E2F3: variants seen among roughly 807,000 people sequenced by gnomAD.
The protein encoded by E2F3 is transcription factor E2F3.
Under a neutral mutation model 44.4 loss-of-function variants are expected in E2F3, and 11 were observed. The ratio of observed to expected loss-of-function variants is 0.25; its 90% CI spans 0.16 to 0.41. The LOEUF is 0.41. E2F3 is among the 10% of genes least tolerant of loss of function. The pLI is 1.00. For missense variants in E2F3, 487 were observed against 583.6 expected, an observed-to-expected ratio of 0.83 and a Z score of 1.70; for synonymous variants, 249 against 253.0, an observed-to-expected ratio of 0.98 and a Z score of 0.15.
chr6:20,442,578 T>C (rs555436080), intron 1 of E2F3, among the ~76,000 whole-genome samples: 2 of 152,366 alleles, frequency 1.3e-5, no homozygotes, highest in East Asian at 1.9e-4. Context: ...CAATTTGATA[T>C]GTTGTGTGTA....
At chr6:20,460,619 T>C (rs1374524294) in intron 1 of E2F3, among the ~76,000 whole-genome samples, 1 of 152,210 alleles carries the variant, frequency 6.6e-6, no homozygotes, top group African/African-American at 2.4e-5. Context: ...TAAACATCCT[T>C]ATACATGCCT....
In E2F3 at chr6:20,472,025, AACACACACACACACAC is replaced by A. The variant is rs57925127; in HGVS notation, c.394-7792_394-7777del. Among the ~76,000 whole-genome samples the A allele has an allele frequency of 1.7e-3, 233 of 138,444 alleles. 3 individuals are homozygous for A. Among genetic ancestry groups the A allele is most frequent in the African/African-American group, 2.3e-3 (83 of 36,814 alleles). 90.8% of individuals were successfully genotyped at this position (138,444 alleles called of 152,430 possible). A position where few individuals can be genotyped will look rare whatever the true frequency, so the allele number is the denominator to read the frequency against. ...TTAAACTCCAGCCTGCCCCCCCTCC[AACACACACACACACAC>A]ACACACACACACACACACACACACA... is the stretch of plus-strand genomic sequence containing the variant. On this transcript the variant is annotated intron_variant, in intron 1 of 6. Coordinates refer to ENST00000346618, the MANE Select transcript of E2F3 (RefSeq NM_001949.5).
intron 1 of E2F3, among the ~76,000 whole-genome samples, chr6:20,403,080 C>A (rs892187857): frequency 6.6e-6 from 1 of 152,050 alleles, no homozygotes; most frequent in East Asian, 1.9e-4. Flanking sequence ...TGCTAGCCCC[C>A]AGTCGGCCTT....
At chr6:20,460,214 A>G (rs1440694199) in intron 1 of E2F3, among the ~76,000 whole-genome samples, 1 of 152,122 alleles carries the variant, frequency 6.6e-6, no homozygotes, top group African/African-American at 2.4e-5. Context: ...TAACATGTGT[A>G]TCCTTTGTTT....
At chr6:20,451,583 C>T (rs963437561) in intron 1 of E2F3, among the ~76,000 whole-genome samples, 3 of 152,172 alleles carry the variant, frequency 2.0e-5, no homozygotes, top group Non-Finnish European at 2.9e-5. Context: ...CTGGCCAGGG[C>T]TTCCAATATT....
intron 1 of E2F3, among the ~76,000 whole-genome samples, chr6:20,430,618 G>A (rs938262640): frequency 6.6e-6 from 1 of 152,094 alleles, no homozygotes; most frequent in South Asian, 2.1e-4. Flanking sequence ...GGGGAAACTT[G>A]GATGGGAGAG....
rs143225265 is a variant in E2F3 at position 20,435,322 on chromosome 6, A to G, written c.393+32697A>G. Among the ~76,000 whole-genome samples, 149 of 152,346 alleles carry G rather than the reference A, an allele frequency of 9.8e-4. 3 individuals are homozygous for G. The East Asian group carries it at 0.024, about 25-fold the overall frequency. On this transcript the variant is annotated intron_variant, in intron 1 of 6. Transcript: ENST00000346618. ...AAAAAATTAATAGACAATGCAGAATATATGGGAGAATGACGTATTGCTGGG... is the reference window on the plus strand; with the variant it reads ...AAAAAATTAATAGACAATGCAGAATGTATGGGAGAATGACGTATTGCTGGG...
chr6:20,422,030 C>T (rs1336545435), intron 1 of E2F3: 1 of 152,198 alleles, frequency 6.6e-6, no homozygotes, highest in African/African-American at 2.4e-5. Context: ...ATTGACTTCT[C>T]CTCTCTAGCT....
intron 1 of E2F3, among the ~76,000 whole-genome samples, chr6:20,403,002 G>A (rs1434866886): frequency 3.9e-5 from 6 of 152,112 alleles, no homozygotes; most frequent in Non-Finnish European, 7.4e-5. Flanking sequence ...GGAGAAGGGG[G>A]TGGGGGAGGG....
At chr6:20,433,028 A>C (rs2127593732) in intron 1 of E2F3, among the ~76,000 whole-genome samples, 1 of 152,304 alleles carries the variant, frequency 6.6e-6, no homozygotes, top group Admixed American at 6.5e-5. Context: ...TTTTATTAAC[A>C]TTCATCACCA....
chr6:20,483,230 G>A (rs765468640), intron 4 of E2F3, among the ~76,000 whole-genome samples: 15 of 152,046 alleles, frequency 9.9e-5, no homozygotes, highest in Admixed American at 6.6e-5. Flanking sequence ...TACTCGTAGC[G>A]TAAGGCCACA....
At chr6:20,443,834 C>T (rs1285328124) in intron 1 of E2F3, among the ~76,000 whole-genome samples, 4 of 152,174 alleles carry the variant, frequency 2.6e-5, no homozygotes, top group Admixed American at 2.6e-4. Context: ...TACTGCATGT[C>T]TTCCGTCAAA....
intron 1 of E2F3, among the ~76,000 whole-genome samples, chr6:20,439,586 C>T (rs986128909): frequency 6.6e-6 from 1 of 152,190 alleles, no homozygotes; most frequent in Admixed American, 6.5e-5. Flanking sequence ...GGCTTGCATA[C>T]AGTGGCGTGA....
At chr6:20,441,558 C>G (rs1304923526) in intron 1 of E2F3, among the ~76,000 whole-genome samples, 1 of 151,652 alleles carries the variant, frequency 6.6e-6, no homozygotes, top group African/African-American at 2.4e-5. Flanking sequence ...TATGGTAATT[C>G]TGTGTTTAGC....
At chr6:20,450,677 G>A (rs1220100390) in intron 1 of E2F3, among the ~76,000 whole-genome samples, 5 of 152,116 alleles carry the variant, frequency 3.3e-5, no homozygotes, top group Admixed American at 3.3e-4. Flanking sequence ...TGCTTTTGGT[G>A]TCTTCGTCAT....
At chr6:20,479,378 T>C (rs990989450) in intron 1 of E2F3, among the ~76,000 whole-genome samples, 8 of 152,168 alleles carry the variant, frequency 5.3e-5, no homozygotes, top group African/African-American at 1.7e-4. Context: ...CTTACAGTAA[T>C]ACCGAATAAG....
chr6:20,489,351 C>T (rs908839476), intron 6 of E2F3, among the ~76,000 whole-genome samples: 1 of 152,092 alleles, frequency 6.6e-6, no homozygotes, highest in African/African-American at 2.4e-5. Context: ...GTAGTCCCAG[C>T]TATAGGGAGG....
chr6:20,464,840 G>A (rs549370857), intron 1 of E2F3, among the ~76,000 whole-genome samples: 105 of 152,244 alleles, frequency 6.9e-4, no homozygotes, highest in African/African-American at 2.5e-3. Context: ...TTTCCTAACT[G>A]TAGCCTTCAT....
intron 1 of E2F3, among the ~76,000 whole-genome samples, chr6:20,404,750 G>T (rs1233599389): frequency 6.6e-6 from 1 of 152,206 alleles, no homozygotes; most frequent in African/African-American, 2.4e-5. Context: ...GGGTCTGCCA[G>T]CAGGGGGGAA....
Sources: gnomAD v4.1 joint callset for allele counts (sites outside exome capture counted in the v4.1 genomes callset) on GRCh38, gnomAD v4.1.1 for gene constraint, MANE v1.5 for transcripts, NCBI Gene and HGNC (gene_info 2026-07-23, HGNC 2026-07-21) for gene names.